MTRF1: variants seen among roughly 807,000 people sequenced by gnomAD.
MTRF1 encodes the protein mitochondrial translation release factor 1.
Under a neutral mutation model 62.9 loss-of-function variants are expected in MTRF1, and 51 were observed. That is an observed-to-expected ratio of 0.81 (90% CI 0.65 to 1.02). The LOEUF is 1.02. Ranked by LOEUF, MTRF1 falls within the 50% of genes least tolerant of loss-of-function variation. The pLI is 0.00. For synonymous variants in MTRF1, 158 were observed against 181.9 expected (o/e 0.87, Z 1.06); for missense variants, 446 against 530.0 (o/e 0.84, Z 1.56).
chr13:41,232,038 A>G (rs2035673392), intron 7 of MTRF1, among the ~76,000 whole-genome samples: 1 of 152,108 alleles, frequency 6.6e-6, no homozygotes, highest in Non-Finnish European at 1.5e-5. Flanking sequence ...ACACCACTGT[A>G]CTCCAGCCTG....
intron 6 of MTRF1, among the ~76,000 whole-genome samples, chr13:41,234,928 C>T (rs1053634416): frequency 7.2e-5 from 11 of 152,122 alleles, no homozygotes; most frequent in Admixed American, 3.3e-4. Flanking sequence ...TGAACTCTAG[C>T]ACCTTTTAGT....
chr13:41,261,309 G>A (rs983662391), intron 1 of MTRF1: 2 of 157,902 alleles, frequency 1.3e-5, no homozygotes, highest in African/African-American at 4.8e-5. Flanking sequence ...ACTCCAGCAA[G>A]GGGGACAATA....
At chr13:41,270,500 TTC>T in the MTRF1 span, among the ~76,000 whole-genome samples, 1 of 152,182 alleles carries the variant, frequency 6.6e-6, no homozygotes, top group African/African-American at 2.4e-5. Context: ...ACAGCTTTTT[TTC>T]TCTTATACTT....
chr13:41,238,566 A>G (rs1449878144), intron 6 of MTRF1, among the ~76,000 whole-genome samples: 1 of 152,220 alleles, frequency 6.6e-6, no homozygotes, highest in Non-Finnish European at 1.5e-5. Flanking sequence ...GAATTAGAAA[A>G]TCACCATCTT....
the MTRF1 span, chr13:41,288,072 G>C: frequency 1.8e-5 from 8 of 436,716 alleles, no homozygotes; most frequent in Admixed American, 1.8e-4. Flanking sequence ...ACTCACAAGG[G>C]AGAAGCATAT....
the MTRF1 span, among the ~76,000 whole-genome samples, chr13:41,271,938 G>T: frequency 7.9e-5 from 12 of 152,044 alleles, no homozygotes; most frequent in Admixed American, 7.2e-4. Context: ...CTAGAATCAG[G>T]ATCCTTAAAC....
At chr13:41,237,400 T>TA (rs1238464946) in intron 6 of MTRF1, among the ~76,000 whole-genome samples, 3 of 151,244 alleles carry the variant, frequency 2.0e-5, no homozygotes, top group Non-Finnish European at 4.4e-5. Context: ...TAAAATGAAA[T>TA]AAAAACAGAA....
the MTRF1 span, among the ~76,000 whole-genome samples, chr13:41,295,098 C>T: frequency 6.6e-6 from 1 of 152,070 alleles, no homozygotes; most frequent in African/African-American, 2.4e-5. Context: ...TTTTTAATCC[C>T]TGGGAAAGGT....
chr13:41,243,087 C>T (rs1278229108), intron 5 of MTRF1, among the ~76,000 whole-genome samples: 1 of 151,960 alleles, frequency 6.6e-6, no homozygotes, highest in Admixed American at 6.6e-5. Flanking sequence ...GGCGTGGTGG[C>T]GCGCACCTGT....
chr13:41,240,548 T>G, intron 5 of MTRF1, 115 bp from the exon 6 acceptor site: 1 of 907,032 alleles, frequency 1.1e-6, no homozygotes, highest in South Asian at 2.9e-5. Flanking sequence ...GATGAGAACA[T>G]AAAGCATGGG....
rs77575648 is a variant in MTRF1, at chr13:41,244,833, A to G, written c.698-4400T>C. ...CACCCAACAGCTTAACTGCAACCTC[A>G]TGAGACACCCTGTGCCACTCAAAAA... On this transcript the variant is annotated intron_variant, in intron 5 of 9. Transcript: ENST00000379480. Among the ~76,000 whole-genome samples the G allele has an allele frequency of 4.1e-3, 622 of 152,286 alleles. 9 individuals are homozygous for G. The highest frequency in any genetic ancestry group is 0.034 in the East Asian group (174 of 5,184).
chr13:41,233,860 T>G (rs374188294), intron 7 of MTRF1, 30 bp downstream of exon 7: 3 of 1,544,270 alleles, frequency 1.9e-6, no homozygotes, highest in Non-Finnish European at 2.7e-6. Flanking sequence ...GAAAAAGGGT[T>G]AAAAGTACAA....
At chr13:41,257,311 C>T (rs754060075) in intron 2 of MTRF1, among the ~76,000 whole-genome samples, 3 of 152,154 alleles carry the variant, frequency 2.0e-5, no homozygotes, top group Non-Finnish European at 2.9e-5. Flanking sequence ...TGAACTAGAA[C>T]GCCTAGAGGT....
At chr13:41,221,096 G>C (rs921610421) in intron 9 of MTRF1, among the ~76,000 whole-genome samples, 3 of 151,798 alleles carry the variant, frequency 2.0e-5, no homozygotes, top group Non-Finnish European at 4.4e-5. Flanking sequence ...GTTGCCCTGG[G>C]GTTAAGATCC....
At chr13:41,222,113 A>G (rs1398752822) in intron 9 of MTRF1, among the ~76,000 whole-genome samples, 1 of 152,128 alleles carries the variant, frequency 6.6e-6, no homozygotes, top group East Asian at 1.9e-4. Context: ...ATAGGATGGG[A>G]CAGAGTCAAG....
At chr13:41,283,652 C>T in the MTRF1 span, among the ~76,000 whole-genome samples, 5 of 116,858 alleles carry the variant, frequency 4.3e-5, no homozygotes, top group South Asian at 3.0e-4. Context: ...TGCAGTGGCG[C>T]GATCTCGGCT....
chr13:41,229,495 C>T (rs781061168), intron 7 of MTRF1: 4 of 152,190 alleles, frequency 2.6e-5, no homozygotes, highest in African/African-American at 4.8e-5. Flanking sequence ...TCCTCTCCCC[C>T]TTACCCTTCC....
At chr13:41,303,833 C>A in the MTRF1 span, among the ~76,000 whole-genome samples, 1 of 152,166 alleles carries the variant, frequency 6.6e-6, no homozygotes, top group Non-Finnish European at 1.5e-5. Context: ...AAATATCGAT[C>A]CTTGCAAAAT....
the MTRF1 span, among the ~76,000 whole-genome samples, chr13:41,273,104 A>C: frequency 6.6e-6 from 1 of 152,090 alleles, no homozygotes; most frequent in Non-Finnish European, 1.5e-5. Flanking sequence ...AGGCGGGTGG[A>C]TCACGAGGTC....
Sources: allele counts gnomAD v4.1 joint callset (sites outside exome capture counted in the v4.1 genomes callset), GRCh38; gene constraint gnomAD v4.1.1; transcripts MANE v1.5; gene names NCBI Gene and HGNC (gene_info 2026-07-23, HGNC 2026-07-21).